CEP164: variants seen among roughly 807,000 people sequenced by gnomAD.
CEP164 encodes the protein centrosomal protein of 164 kDa.
A neutral mutation model predicts 182.7 loss-of-function variants in CEP164; 162 were observed. The ratio of observed to expected loss-of-function variants is 0.89; its 90% CI spans 0.78 to 1.01. CEP164 has a LOEUF of 1.01. CEP164 is among the 50% of genes least tolerant of loss of function. The probability of loss-of-function intolerance (pLI) is 0.00; values close to 1 mark genes in which losing one functional copy is unlikely to be tolerated. For synonymous variants in CEP164, 661 were observed against 690.0 expected (o/e 0.96, Z 0.66); for missense variants, 1,735 against 1,790.4 (o/e 0.97, Z 0.56).
chr11:117,397,083 T>G lies in CEP164; in HGVS notation c.3279-8T>G, dbSNP rs771735947. Reference sequence around the variant, plus strand: ...TTCTGTTTTCCTTCTTCAACTCTCCTGCTCCAGCCTGTCCTCCCACAATGT... The same window carrying G: ...TTCTGTTTTCCTTCTTCAACTCTCCGGCTCCAGCCTGTCCTCCCACAATGT... On this transcript the variant is annotated splice_polypyrimidine_tract_variant and splice_region_variant and intron_variant, in intron 26 of 32. Transcript: ENST00000278935. 72 of 1,612,286 alleles carry G rather than the reference T, an allele frequency of 4.5e-5. 3 individuals carry two copies. The South Asian group carries it at 7.8e-4, about 18-fold the overall frequency.
intron 4 of CEP164, among the ~76,000 whole-genome samples, chr11:117,348,438 G>A (rs1209587561): frequency 5.3e-5 from 8 of 151,924 alleles, no homozygotes; most frequent in Non-Finnish European, 7.4e-5. Context: ...TTGCCTTTTT[G>A]TCTAGTAGAC....
intron 11 of CEP164, among the ~76,000 whole-genome samples, chr11:117,378,764 T>C (rs1162412778): frequency 2.0e-5 from 3 of 152,156 alleles, no homozygotes; most frequent in African/African-American, 7.2e-5. Flanking sequence ...TCCCCGAGGA[T>C]CCCCTTTTCT....
At chr11:117,386,062 C>T (rs1176967531) in intron 14 of CEP164, 4 of 152,212 alleles carry the variant, frequency 2.6e-5, no homozygotes, top group African/African-American at 7.2e-5. Context: ...GCAGGGAGGA[C>T]CAGCTCCCCT....
intron 2 of CEP164, among the ~76,000 whole-genome samples, chr11:117,337,129 G>A (rs989331929): frequency 2.0e-5 from 3 of 152,216 alleles, no homozygotes; most frequent in African/African-American, 7.2e-5. Flanking sequence ...AGACTGGGGG[G>A]CTCCAACAAC....
At chr11:117,339,962 G>A (rs1239467347) in intron 3 of CEP164, among the ~76,000 whole-genome samples, 1 of 152,072 alleles carries the variant, frequency 6.6e-6, no homozygotes, top group Non-Finnish European at 1.5e-5. Context: ...TCTAAGTGGT[G>A]TTGCTAGAAT....
intron 27 of CEP164, among the ~76,000 whole-genome samples, chr11:117,397,866 C>T (rs937604004): frequency 6.6e-6 from 1 of 152,136 alleles, no homozygotes; most frequent in Admixed American, 6.5e-5. Flanking sequence ...AGAGCCAAAC[C>T]ATATCATTCC....
chr11:117,351,457 C>G (rs2039610571), intron 4 of CEP164, among the ~76,000 whole-genome samples: 1 of 152,214 alleles, frequency 6.6e-6, no homozygotes, highest in South Asian at 2.1e-4. Flanking sequence ...ACTTCTCCAT[C>G]TAAATAAAAC....
intron 26 of CEP164, among the ~76,000 whole-genome samples, 197 bp from the exon 27 acceptor site, chr11:117,396,894 G>A (rs774161152): frequency 6.6e-6 from 1 of 152,246 alleles, no homozygotes; most frequent in Non-Finnish European, 1.5e-5. Flanking sequence ...CTCAGAGTCA[G>A]GGTGGGGGCA....
intron 3 of CEP164, 66 bp from the exon 4 acceptor site, chr11:117,344,100 A>T (rs1432756662): frequency 2.3e-6 from 2 of 880,888 alleles, no homozygotes; most frequent in Non-Finnish European, 1.8e-6. Flanking sequence ...CAAAGTAGAA[A>T]AAAGATTGTG....
intron 7 of CEP164, 89 bp downstream of exon 7, chr11:117,362,627 T>G: frequency 6.8e-7 from 1 of 1,464,940 alleles, no homozygotes; most frequent in Non-Finnish European, 9.3e-7. Context: ...AGAAAAAATA[T>G]GTAACATAAA....
At position 117,396,721 on chromosome 11, in the gene CEP164, G is replaced by T. The variant is rs147834357; in HGVS notation, c.3278+110G>T. On this transcript the variant is annotated intron_variant, in intron 26 of 32. Coordinates refer to ENST00000278935, the MANE Select transcript of CEP164 (RefSeq NM_014956.5). ...TGAAGTGAGGAGACGGTGATCACCA[G>T]TGGGGCTTAGTTCATGGGGAAGGCT... The T allele has an allele frequency of 9.5e-4, 848 of 891,774 alleles. 1 individual carries two copies. In the African/African-American group the frequency reaches 0.012, roughly 12 times the overall value. 55.2% of individuals were successfully genotyped at this position (891,774 alleles called of 1,614,324 possible).
intron 19 of CEP164, among the ~76,000 whole-genome samples, 183 bp downstream of exon 19, chr11:117,392,810 C>T (rs1478160421): frequency 1.3e-5 from 2 of 152,124 alleles, no homozygotes; most frequent in African/African-American, 4.8e-5. Context: ...AATCTGATGC[C>T]CCTGTATGCA....
chr11:117,333,176 C>T (rs934175138), intron 1 of CEP164, among the ~76,000 whole-genome samples: 1 of 134,868 alleles, frequency 7.4e-6, no homozygotes, highest in Non-Finnish European at 1.6e-5. Flanking sequence ...CCATGCATGG[C>T]TGATATTTTT....
chr11:117,399,695 T>G (rs185885975), intron 27 of CEP164, among the ~76,000 whole-genome samples: 22 of 152,346 alleles, frequency 1.4e-4, no homozygotes, highest in Admixed American at 6.5e-4. Context: ...TGTGAGATGG[T>G]ATCTCATTGT....
At position 117,394,577 on chromosome 11, in the gene CEP164, C is replaced by G; in HGVS notation, c.2760+84C>G. Reference sequence around the variant, plus strand: ...GCTGGGAGCAGACGCATGGCCCCAGCAGGATGCAGCCTGACAGCTTCTGGA... The same window carrying G: ...GCTGGGAGCAGACGCATGGCCCCAGGAGGATGCAGCCTGACAGCTTCTGGA... On this transcript the variant is annotated intron_variant, in intron 21 of 32. Coordinates refer to ENST00000278935, the MANE Select transcript of CEP164 (RefSeq NM_014956.5). The surrounding 1 kb of genome is among the most constrained non-coding windows in gnomAD (Gnocchi z 4.0). 1.3e-6 allele frequency: 2 copies of G among 1,517,348 alleles called. No individual in the cohort carries two copies. The highest frequency in any genetic ancestry group is 2.5e-5 in the South Asian group (2 of 80,740). 94.0% of individuals were successfully genotyped at this position (1,517,348 alleles called of 1,614,324 possible).
Position 117,409,773 on chromosome 11 carries a change from C to T in CEP164, c.3904C>T (p.Pro1302Ser), listed in dbSNP as rs201430651. The T allele has an allele frequency of 5.8e-5, 94 of 1,613,958 alleles. No individual in the cohort carries two copies. In the African/African-American group the frequency reaches 6.3e-4, roughly 11 times the overall value. ...CCTCGCCTCCATGCCAGCCCAGCTCCCTCCCCGGGACCCTAAGAGCACCCC... is the reference window on the plus strand; with the variant it reads ...CCTCGCCTCCATGCCAGCCCAGCTCTCTCCCCGGGACCCTAAGAGCACCCC... Reference protein sequence around the residue: ...PLLASMPAQLPPRDPKSTPTP... With the variant: ...PLLASMPAQLSPRDPKSTPTP... Residue 1302 changes from proline to serine, a missense_variant, in exon 30 of 33, where the codon CCT becomes TCT. By Grantham distance (74) the Pro-to-Ser change is moderately conservative. Coordinates refer to ENST00000278935, the MANE Select transcript of CEP164 (RefSeq NM_014956.5). The surrounding 1 kb of genome is among the most constrained non-coding windows in gnomAD (Gnocchi z 4.4).
intron 2 of CEP164, among the ~76,000 whole-genome samples, chr11:117,337,151 T>C (rs1363348698): frequency 6.6e-6 from 1 of 152,088 alleles, no homozygotes; most frequent in African/African-American, 2.4e-5. Context: ...GAAATCTCTT[T>C]TCTCATAGTT....
intron 4 of CEP164, among the ~76,000 whole-genome samples, chr11:117,344,614 T>G (rs1012257872): frequency 6.6e-6 from 1 of 152,172 alleles, no homozygotes; most frequent in African/African-American, 2.4e-5. Flanking sequence ...CAACTTTACC[T>G]CCTTAGCATG....
Position 117,390,804 on chromosome 11 carries a change from C to T in CEP164, c.1962C>T (p.Ala654=), listed in dbSNP as rs138685813. The part of the protein sequence containing the change: ...LSSLRERLQK[A]IEEEEARMRE... ...CCTTGAGGGAGCGGCTGCAGAAAGC[C>T]ATTGAGGAGGAGGAGGCCCGGATGA... The change falls in exon 16 of 33, where the codon GCC becomes GCT. Residue 654 remains alanine (A), a synonymous_variant. Coordinates refer to ENST00000278935, the MANE Select transcript of CEP164 (RefSeq NM_014956.5). 1 of 1,613,632 alleles carries T rather than the reference C, an allele frequency of 6.2e-7. No homozygotes were observed. The highest frequency in any genetic ancestry group is 1.3e-5 in the African/African-American group (1 of 74,778).
Sources: gnomAD v4.1 joint callset for allele counts (sites outside exome capture counted in the v4.1 genomes callset) on GRCh38, gnomAD v4.1.1 for gene constraint, Gnocchi (gnomAD v3.1) non-coding constraint, MANE v1.5 for transcripts, NCBI Gene and HGNC (gene_info 2026-07-23, HGNC 2026-07-21) for gene names.